DNAJC7: variants seen among roughly 807,000 people sequenced by gnomAD.
The protein encoded by DNAJC7 is DnaJ heat shock protein family (Hsp40) member C7, also known as dnaJ homolog subfamily C member 7.
In DNAJC7, 18 loss-of-function variants were observed where a neutral mutation model predicts 67.4. The ratio of observed to expected loss-of-function variants is 0.27; its 90% CI spans 0.18 to 0.40. DNAJC7 has a LOEUF of 0.40. Among genes scored for constraint, DNAJC7 ranks in the 10% least tolerant of loss-of-function variants. The probability of loss-of-function intolerance (pLI) is 1.00; values close to 1 mark genes in which losing one functional copy is unlikely to be tolerated. For synonymous variants in DNAJC7, 220 were observed against 207.8 expected, an observed-to-expected ratio of 1.06 and a Z score of -0.50; for missense variants, 419 against 613.8, an observed-to-expected ratio of 0.68 and a Z score of 3.35.
intron 9 of DNAJC7, chr17:41,984,294 G>A (rs1220348956): frequency 1.3e-5 from 2 of 151,454 alleles, no homozygotes; most frequent in African/African-American, 2.4e-5. Flanking sequence ...GGATGATTGC[G>A]AGATCTTTTT....
chr17:41,990,754 C>T (rs542072441), intron 5 of DNAJC7, among the ~76,000 whole-genome samples: 2 of 151,884 alleles, frequency 1.3e-5, no homozygotes, highest in Admixed American at 1.3e-4. Context: ...GCCACCTCTG[C>T]CTCCTGGGTT....
rs2051658613 is a variant in DNAJC7, at chr17:41,996,380, G to A, written c.336C>T (p.Ala112=). 1.2e-6 allele frequency: 2 copies of A among 1,614,000 alleles called. No individual in the cohort carries two copies. The highest frequency in any genetic ancestry group is 2.7e-5 in the African/African-American group (2 of 75,042). ...TCTGGAAGCTGCGACATGCTGCCAT[G>A]GCATTCCCCAGAGAGAGGTGGCACT... ...EGKCHLSLGN[A]MAACRSFQRA... is the part of the protein sequence containing the mutation. Residue 112 remains alanine (A), a synonymous_variant, in exon 4 of 14, where the codon GCC becomes GCT. Coordinates refer to ENST00000457167, the MANE Select transcript of DNAJC7 (RefSeq NM_003315.4).
At chr17:42,001,249 C>G (rs2051799430) in intron 1 of DNAJC7, among the ~76,000 whole-genome samples, 1 of 152,168 alleles carries the variant, frequency 6.6e-6, no homozygotes, top group South Asian at 2.1e-4. Context: ...GTTCCCTCTT[C>G]CCATCACAAC....
chr17:42,004,593 C>CA (rs1555649907), intron 1 of DNAJC7, among the ~76,000 whole-genome samples: 10 of 152,284 alleles, frequency 6.6e-5, no homozygotes, highest in Middle Eastern at 3.4e-3. Flanking sequence ...GAAAGGTTTT[C>CA]CAAAAAAATC....
At chr17:42,009,061 C>T (rs1007491110) in intron 1 of DNAJC7, among the ~76,000 whole-genome samples, 1 of 152,170 alleles carries the variant, frequency 6.6e-6, no homozygotes, top group East Asian at 1.9e-4. Context: ...TATTTATGCT[C>T]GGTGCTTCAT....
chr17:42,011,561 T>C (rs906954335), intron 1 of DNAJC7: 1 of 152,234 alleles, frequency 6.6e-6, no homozygotes, highest in African/African-American at 2.4e-5. Flanking sequence ...GAGAATTCTG[T>C]ATTCCTAGGT....
intron 13 of DNAJC7, 134 bp from the exon 14 acceptor site, chr17:41,976,904 C>G (rs1245323598): frequency 2.1e-5 from 25 of 1,174,536 alleles, no homozygotes; most frequent in Non-Finnish European, 3.0e-5. Flanking sequence ...TATCAAACAG[C>G]TCAGGCTGTT....
chr17:41,989,796 G>A (rs1185142401), intron 6 of DNAJC7, among the ~76,000 whole-genome samples: 26 of 152,202 alleles, frequency 1.7e-4, no homozygotes, highest in Non-Finnish European at 3.8e-4. Context: ...GCAAACTACA[G>A]CCCACAGGGC....
Position 41,990,256 on chromosome 17 carries a change from C to T in DNAJC7, c.599+8G>A. 2 of 1,601,280 alleles carry T rather than the reference C, an allele frequency of 1.2e-6. No homozygotes were observed. Among genetic ancestry groups the T allele is most frequent in the African/African-American group, 1.3e-5 (1 of 74,854 alleles). On this transcript the variant is annotated splice_region_variant and intron_variant, in intron 6 of 13. Transcript: ENST00000457167. ...GCATTTTAATGTCCAGCTAGCCTGA[C>T]TGCATACCTAGCCACAGACTGTGCT...
At chr17:41,995,286 A>G (rs922690209) in intron 4 of DNAJC7, among the ~76,000 whole-genome samples, 3 of 152,368 alleles carry the variant, frequency 2.0e-5, no homozygotes, top group South Asian at 2.1e-4. Context: ...ACTTCTTAAC[A>G]GAAGGGCTAG....
chr17:41,977,096 T>C (rs2051104505), intron 13 of DNAJC7, 165 bp downstream of exon 13: 2 of 761,152 alleles, frequency 2.6e-6, no homozygotes, highest in Non-Finnish European at 4.2e-6. Context: ...CTGGGAACCT[T>C]CCTGTCTTCA....
intron 5 of DNAJC7, 80 bp downstream of exon 5, chr17:41,994,790 C>A (rs1410010589): frequency 1.5e-5 from 18 of 1,224,464 alleles, no homozygotes; most frequent in Non-Finnish European, 2.0e-5. Flanking sequence ...CCATACTACT[C>A]CTCTTAATTA....
At position 41,998,451 on chromosome 17, in the gene DNAJC7, G is replaced by A. The variant is rs373487787; in HGVS notation, c.167-1212C>T. Among the ~76,000 whole-genome samples the A allele has an allele frequency of 2.2e-4, 34 of 152,300 alleles. 1 individual carries two copies. The South Asian group carries it at 6.8e-3, about 31-fold the overall frequency. ...TGTGCCACTACACTCCAGCCTGGGT[G>A]ACAGTGACACTGTCTCAACAATAAA... On this transcript the variant is annotated intron_variant, in intron 2 of 13. Coordinates refer to ENST00000457167, the MANE Select transcript of DNAJC7 (RefSeq NM_003315.4).
Position 41,991,527 on chromosome 17 carries a change from C to T in DNAJC7, c.481-1145G>A, listed in dbSNP as rs150383276. On this transcript the variant is annotated intron_variant, in intron 5 of 13. Coordinates refer to ENST00000457167, the MANE Select transcript of DNAJC7 (RefSeq NM_003315.4). ...TTCACGCTAAATAAAGGGAGAAAAT[C>T]AAGGATCTTTATTTTATATAAGTAC... Among the ~76,000 whole-genome samples the T allele has an allele frequency of 1.9e-4, 29 of 152,016 alleles. 1 individual carries two copies. The Middle Eastern group carries it at 0.01, about 53-fold the overall frequency.
intron 1 of DNAJC7, among the ~76,000 whole-genome samples, chr17:42,005,515 T>A (rs6503680): frequency 0.98 from 148,798 of 152,338 alleles, 72,701 homozygotes; most frequent in African/African-American, 0.99. Context: ...TGGTAGTTTT[T>A]AAAATGTCAT....
At chr17:41,988,017 C>A in intron 8 of DNAJC7, 107 bp from the exon 9 acceptor site, 1 of 872,394 alleles carries the variant, frequency 1.1e-6, no homozygotes, top group Non-Finnish European at 1.8e-6. Flanking sequence ...ATGCTGGCCC[C>A]TTAAATGTCA....
At chr17:41,993,163 C>A (rs1205715709) in intron 5 of DNAJC7, among the ~76,000 whole-genome samples, 5 of 152,162 alleles carry the variant, frequency 3.3e-5, no homozygotes, top group Non-Finnish European at 7.4e-5. Context: ...ATCCTCTTAT[C>A]AAAACATTTA....
Position 42,017,421 on chromosome 17 carries a change from C to T in DNAJC7, c.-5G>A. The T allele has an allele frequency of 1.9e-6, 3 of 1,606,332 alleles. No individual in the cohort carries two copies. The highest frequency in any genetic ancestry group is 2.2e-5 in the East Asian group (1 of 44,874). ...GCACTCCGCGGCAGCCGCCATCTTA[C>T]CGCCGGGACCAGAGAGCTGGGTGGG... On this transcript the variant is annotated 5_prime_UTR_variant, in exon 1 of 14. Coordinates refer to ENST00000457167, the MANE Select transcript of DNAJC7 (RefSeq NM_003315.4).
chr17:41,989,074 G>T (rs782481664), intron 7 of DNAJC7, among the ~76,000 whole-genome samples, 178 bp from the exon 8 acceptor site: 2 of 152,166 alleles, frequency 1.3e-5, no homozygotes, highest in Non-Finnish European at 2.9e-5. Flanking sequence ...GAGTGGACAG[G>T]AAAAGAGTTA....
Sources: allele counts gnomAD v4.1 joint callset (sites outside exome capture counted in the v4.1 genomes callset), GRCh38; gene constraint gnomAD v4.1.1; transcripts MANE v1.5; gene names NCBI Gene and HGNC (gene_info 2026-07-23, HGNC 2026-07-21).